Variants in RABGEF1 observed in about 807,000 individuals in gnomAD.
The protein encoded by RABGEF1 is rab5 GDP/GTP exchange factor.
A neutral mutation model predicts 57.3 loss-of-function variants in RABGEF1; 26 were observed. That is an observed-to-expected ratio of 0.45 (90% CI 0.33 to 0.63). The LOEUF (loss-of-function observed/expected upper bound fraction) is 0.63, where lower values mean the gene tolerates loss of function less well. Among genes scored for constraint, RABGEF1 ranks in the 20% least tolerant of loss-of-function variants. The pLI, the probability that RABGEF1 is intolerant of heterozygous loss-of-function variation, is 0.02. For synonymous variants in RABGEF1, 185 were observed against 210.7 expected, an observed-to-expected ratio of 0.88 and a Z score of 1.06; for missense variants, 464 against 607.6, an observed-to-expected ratio of 0.76 and a Z score of 2.48.
intron 1 of RABGEF1, among the ~76,000 whole-genome samples, chr7:66,694,972 G>A (rs1331259178): frequency 6.6e-6 from 1 of 152,142 alleles, no homozygotes; most frequent in Non-Finnish European, 1.5e-5. Flanking sequence ...GGTGACCCAG[G>A]GAGAGTATGG....
At chr7:66,793,444 C>T (rs1235259116) in intron 4 of RABGEF1, among the ~76,000 whole-genome samples, 3 of 152,058 alleles carry the variant, frequency 2.0e-5, no homozygotes, top group Admixed American at 6.6e-5. Flanking sequence ...GGTGTCATGT[C>T]GACACTGACA....
chr7:66,671,908 C>T, the RABGEF1 span, among the ~76,000 whole-genome samples: 5 of 151,146 alleles, frequency 3.3e-5, no homozygotes, highest in Admixed American at 2.6e-4. Flanking sequence ...CCTTGACCTC[C>T]GAGGTGCAAG....
At chr7:66,684,867 C>G (rs1436897667) in intron 1 of RABGEF1, among the ~76,000 whole-genome samples, 1 of 152,160 alleles carries the variant, frequency 6.6e-6, no homozygotes, top group African/African-American at 2.4e-5. Context: ...GATCTCCTGA[C>G]CTCGTGGTCT....
At chr7:66,689,400 A>G (rs1791188573) in intron 1 of RABGEF1, among the ~76,000 whole-genome samples, 1 of 152,200 alleles carries the variant, frequency 6.6e-6, no homozygotes. Context: ...AAGTGATTAT[A>G]AGAGAATACT....
chr7:66,780,659 C>T (rs1313293020), intron 3 of RABGEF1, among the ~76,000 whole-genome samples: 1 of 152,144 alleles, frequency 6.6e-6, no homozygotes, highest in Non-Finnish European at 1.5e-5. Context: ...TCTCCAAATA[C>T]TGTGAATTTG....
chr7:66,688,494 G>C (rs1791043965), intron 1 of RABGEF1, among the ~76,000 whole-genome samples: 1 of 152,170 alleles, frequency 6.6e-6, no homozygotes, highest in African/African-American at 2.4e-5. Context: ...ATTGTCCAGA[G>C]TATATAGTGT....
chr7:66,719,335 G>C (rs1342787067), intron 2 of RABGEF1, among the ~76,000 whole-genome samples: 1 of 152,064 alleles, frequency 6.6e-6, no homozygotes, highest in Non-Finnish European at 1.5e-5. Flanking sequence ...CTGAGTAGTT[G>C]GGAACCATAG....
At chr7:66,710,806 T>C (rs1794673338) in intron 1 of RABGEF1, among the ~76,000 whole-genome samples, 1 of 152,116 alleles carries the variant, frequency 6.6e-6, no homozygotes, top group African/African-American at 2.4e-5. Context: ...TCTTTAAAGA[T>C]TTTCTTTCTT....
chr7:66,715,390 C>A (rs1032802414), intron 2 of RABGEF1, among the ~76,000 whole-genome samples: 9 of 152,150 alleles, frequency 5.9e-5, no homozygotes, highest in African/African-American at 1.9e-4. Context: ...CTTGGCCTCC[C>A]AACATGTTGG....
At chr7:66,807,946 C>T (rs889699070) in intron 8 of RABGEF1, 1 of 152,324 alleles carries the variant, frequency 6.6e-6, no homozygotes, top group African/African-American at 2.4e-5. Context: ...CGAGCCAACA[C>T]GCCTGGCTCA....
intron 8 of RABGEF1, among the ~76,000 whole-genome samples, chr7:66,807,195 T>C (rs6943892): frequency 6.6e-6 from 1 of 152,198 alleles, no homozygotes; most frequent in Non-Finnish European, 1.5e-5. Context: ...CAGCCTTAAG[T>C]ACATTTGTGC....
the RABGEF1 span, among the ~76,000 whole-genome samples, chr7:66,664,709 C>T: frequency 0.1 from 15,753 of 152,246 alleles, 901 homozygotes; most frequent in Non-Finnish European, 0.11. Context: ...CTCTGGAGGC[C>T]GGCCCATCAC....
chr7:66,749,494 A>G (rs1216587755), intron 1 of RABGEF1, among the ~76,000 whole-genome samples: 5 of 152,252 alleles, frequency 3.3e-5, no homozygotes, highest in Non-Finnish European at 7.3e-5. Context: ...AAGCAAATAC[A>G]AAGTGTAAAA....
At chr7:66,682,183 T>C in exon 1 of RABGEF1, 1 of 167,498 alleles carries the variant, frequency 6.0e-6, no homozygotes, top group Non-Finnish European at 1.5e-5. Context: ...CCGAGCGACG[T>C]GGGCGAGCGG....
chr7:66,723,264 G>A (rs1480873919), intron 2 of RABGEF1, among the ~76,000 whole-genome samples: 1 of 151,516 alleles, frequency 6.6e-6, no homozygotes, highest in Non-Finnish European at 1.5e-5. Flanking sequence ...CCACCACACT[G>A]GGTCTCCTAC....
intron 1 of RABGEF1, among the ~76,000 whole-genome samples, chr7:66,749,484 A>G (rs1282611354): frequency 3.3e-5 from 5 of 152,258 alleles, no homozygotes; most frequent in African/African-American, 1.2e-4. Flanking sequence ...TATTGTAAGA[A>G]AGCAAATACA....
intron 1 of RABGEF1, among the ~76,000 whole-genome samples, chr7:66,683,892 C>T (rs776628249): frequency 1.3e-5 from 2 of 152,042 alleles, no homozygotes; most frequent in East Asian, 1.9e-4. Flanking sequence ...AAATGGGTGC[C>T]GCCACACCCA....
At chr7:66,745,378 C>T (rs1799963502) in intron 1 of RABGEF1, among the ~76,000 whole-genome samples, 1 of 152,100 alleles carries the variant, frequency 6.6e-6, no homozygotes, top group Non-Finnish European at 1.5e-5. Flanking sequence ...GATGACCTAT[C>T]CCTCAAATGT....
intron 3 of RABGEF1, among the ~76,000 whole-genome samples, chr7:66,780,618 T>G (rs1283185750): frequency 3.9e-5 from 6 of 152,220 alleles, no homozygotes; most frequent in Non-Finnish European, 8.8e-5. Flanking sequence ...AAATCACCTC[T>G]CTGTCAATTA....
Sources: allele counts gnomAD v4.1 joint callset (sites outside exome capture counted in the v4.1 genomes callset), GRCh38; gene constraint gnomAD v4.1.1; transcripts MANE v1.5; gene names NCBI Gene and HGNC (gene_info 2026-07-23, HGNC 2026-07-21).